The following KCNH2 variants were observed in gnomAD, a reference collection of about 807,000 sequenced individuals.
The protein encoded by KCNH2 is potassium voltage-gated channel subfamily H member 2.
In KCNH2, 35 loss-of-function variants were observed where a neutral mutation model predicts 95.9. That is an observed-to-expected ratio of 0.37 (90% confidence interval 0.28 to 0.48). The LOEUF (loss-of-function observed/expected upper bound fraction) is 0.48, where lower values mean the gene tolerates loss of function less well. KCNH2 is among the 20% of genes least tolerant of loss of function. The probability of loss-of-function intolerance (pLI) is 0.99; values close to 1 mark genes in which losing one functional copy is unlikely to be tolerated. For synonymous variants in KCNH2, 786 were observed against 754.7 expected (o/e 1.04, Z -0.68); for missense variants, 1,274 against 1,702.9 (o/e 0.75, Z 4.43).
rs781274793 is a variant in KCNH2, at chr7:150,947,408, G to A, written c.3072C>T (p.Asn1024=). 19 of 1,548,614 alleles carry A rather than the reference G, an allele frequency of 1.2e-5. No individual in the cohort carries two copies. The highest frequency in any genetic ancestry group is 6.1e-6 in the Non-Finnish European group (7 of 1,144,930). ...GCCGACCCGGGCTGGAGAGGGGGAT[G>A]TTGAGGAGGCTGGGGGTGGGGGCGG... ...RCPAPTPSLL[N]IPLSSPGRRP... Residue 1024 remains asparagine, a synonymous_variant, in exon 13 of 15, where the codon AAC becomes AAT. Coordinates refer to ENST00000262186, the MANE Select transcript of KCNH2 (RefSeq NM_000238.4).
At chr7:150,959,386 A>G (rs1162666493) in intron 3 of KCNH2, among the ~76,000 whole-genome samples, 186 bp downstream of exon 3, 2 of 152,154 alleles carry the variant, frequency 1.3e-5, no homozygotes, top group East Asian at 3.9e-4. Context: ...CTATGTGTCC[A>G]TCCTGGGCCA....
chr7:150,946,168 GCAGCCAGA>G lies in KCNH2; in HGVS notation c.3331-662_3331-655del, dbSNP rs1800880522. Among the ~76,000 whole-genome samples the G allele has an allele frequency of 6.6e-6, 1 of 152,130 alleles. No individual in the cohort carries two copies. Among genetic ancestry groups the G allele is most frequent in the Non-Finnish European group, 1.5e-5 (1 of 68,014 alleles). On this transcript the variant is annotated intron_variant, in intron 14 of 14. Coordinates refer to ENST00000262186, the MANE Select transcript of KCNH2 (RefSeq NM_000238.4). The surrounding 1 kb of genome is among the most constrained non-coding windows in gnomAD (Gnocchi z 6.5). ...GGGAGCAGATCCCAGGCCGCCTCTG[GCAGCCAGA>G]GGAGTCCCCACCATGGACGCGGAGG...
At chr7:150,948,619 T>G in intron 10 of KCNH2, 76 bp from the exon 11 acceptor site, 1 of 1,376,074 alleles carries the variant, frequency 7.3e-7, no homozygotes, top group Non-Finnish European at 1.0e-6. Context: ...GCTCCCTCCT[T>G]AACACAGAAA....
Position 150,945,305 on chromosome 7 carries a change from G to A in KCNH2, c.*60C>T. On this transcript the variant is annotated 3_prime_UTR_variant, in exon 15 of 15. Coordinates refer to ENST00000262186, the MANE Select transcript of KCNH2 (RefSeq NM_000238.4). This position sits in a 1 kb window ranked among gnomAD's most constrained non-coding sequence, Gnocchi z 5.6. ...GCCTCCTGAGCAGGGCCTCCAAGGGGAGCGGCCCAGCAGCGCCTTGATCCC... is the reference window on the plus strand; with the variant it reads ...GCCTCCTGAGCAGGGCCTCCAAGGGAAGCGGCCCAGCAGCGCCTTGATCCC... 1 of 1,526,768 alleles carries A rather than the reference G, an allele frequency of 6.5e-7. No individual in the cohort carries two copies. The highest frequency in any genetic ancestry group is 8.9e-7 in the Non-Finnish European group (1 of 1,129,106). 94.6% of individuals were successfully genotyped at this position (1,526,768 alleles called of 1,614,324 possible).
rs1801205450 is a variant in KCNH2, at chr7:150,952,328, TTC to T, written c.1557+95_1557+96del. ...TCTCTCTTTCTCTCTCTCTCTCTTT[TTC>T]TCTGTCCTCCTCGCCACCCCCTCCA... On this transcript the variant is annotated intron_variant, in intron 6 of 14. Coordinates refer to ENST00000262186, the MANE Select transcript of KCNH2 (RefSeq NM_000238.4). This position sits in a 1 kb window ranked among gnomAD's most constrained non-coding sequence, Gnocchi z 7.3. The T allele has an allele frequency of 1.6e-5, 17 of 1,070,206 alleles. No individual in the cohort carries two copies. The East Asian group carries it at 5.4e-4, about 34-fold the overall frequency. 66.3% of individuals were successfully genotyped at this position (1,070,206 alleles called of 1,614,324 possible).
Position 150,957,325 on chromosome 7 carries a change from T to A in KCNH2, c.1094A>T (p.Glu365Val). The A allele has an allele frequency of 6.2e-7, 1 of 1,602,048 alleles. No individual in the cohort carries two copies. Among genetic ancestry groups the A allele is most frequent in the Non-Finnish European group, 8.5e-7 (1 of 1,174,356 alleles). The part of the protein sequence containing the change: ...DREIIAPKIK[E>V]RTHNVTEKVT... ...CTTCTCAGTGACATTGTGGGTTCGC[T>A]CCTTTATCTTAGGTGCTATGATCTC... The change falls in exon 5 of 15, where the codon GAG (glutamate) becomes GTG (valine). Residue 365 changes from glutamate (E) to valine (V), a missense_variant. Around this residue, in one of 7 missense-constraint regions of KCNH2, gnomAD observed 392 missense variants for 429.9 expected, o/e 0.91. Coordinates refer to ENST00000262186, the MANE Select transcript of KCNH2 (RefSeq NM_000238.4).
chr7:150,951,236 C>A, intron 7 of KCNH2, 116 bp from the exon 8 acceptor site: 2 of 1,038,584 alleles, frequency 1.9e-6, no homozygotes, highest in Non-Finnish European at 1.4e-6. Context: ...GACATGCCCA[C>A]GAGACGCCCT....
chr7:150,949,652 G>C (rs972176255), intron 9 of KCNH2: 19 of 1,128,122 alleles, frequency 1.7e-5, no homozygotes, highest in Non-Finnish European at 2.1e-5. Context: ...AGGCACACAG[G>C]GCCGAGGGAA....
chr7:150,954,221 G>C (rs981882276), intron 5 of KCNH2, among the ~76,000 whole-genome samples: 1 of 152,004 alleles, frequency 6.6e-6, no homozygotes, highest in Non-Finnish European at 1.5e-5. Context: ...TTAAGGCAGA[G>C]AGCAAATGCC....
At position 150,948,883 on chromosome 7, in the gene KCNH2, G is replaced by T; in HGVS notation, c.2565C>A (p.Ser855Arg). ...CTCGCAGGTTGAAGGTGATCTCCAG[G>T]CTGGACCAGAAGTGGTCGGAGAACT... The part of the protein sequence containing the change: ...YPEFSDHFWS[S>R]LEITFNLRDT... Residue 855 changes from serine to arginine, a missense_variant, in exon 10 of 15, where the codon AGC becomes AGA. Ser to Arg is a moderately radical substitution (Grantham distance 110). Coordinates refer to ENST00000262186, the MANE Select transcript of KCNH2 (RefSeq NM_000238.4). The T allele has an allele frequency of 6.2e-7, 1 of 1,614,228 alleles. No individual in the cohort carries two copies.
Position 150,948,947 on chromosome 7 carries a change from T to C in KCNH2, c.2501A>G (p.His834Arg), listed in dbSNP as rs758040682. 1.2e-6 allele frequency: 2 copies of C among 1,614,234 alleles called. No individual in the cohort carries two copies. Among genetic ancestry groups the C allele is most frequent in the Non-Finnish European group, 1.7e-6 (2 of 1,180,040 alleles). The change falls in exon 10 of 15, where the codon CAT becomes CGT. Residue 834 changes from histidine (H) to arginine (R), a missense_variant. By Grantham distance (29) the His-to-Arg change is conservative. Coordinates refer to ENST00000262186, the MANE Select transcript of KCNH2 (RefSeq NM_000238.4). ...CAGCACCTCCAGCAGGTCGTCCCGA[T>C]GGATCTTGTGTAGGTCACAGTAGGT... is the stretch of plus-strand genomic sequence containing the variant. ...ALTYCDLHKI[H>R]RDDLLEVLDM...
intron 2 of KCNH2, among the ~76,000 whole-genome samples, chr7:150,971,373 C>A (rs893696935): frequency 6.6e-6 from 1 of 152,100 alleles, no homozygotes; most frequent in African/African-American, 2.4e-5. Context: ...TCCCAACAGC[C>A]GCAGCATCAG....
chr7:150,958,572 T>A (rs1801468443), intron 3 of KCNH2, 70 bp from the exon 4 acceptor site: 1 of 1,318,238 alleles, frequency 7.6e-7, no homozygotes, highest in South Asian at 1.5e-5. Context: ...GCCTGGGAAA[T>A]GGACCCCCAG....
chr7:150,975,819 C>T (rs749138525), intron 1 of KCNH2, among the ~76,000 whole-genome samples: 3 of 152,216 alleles, frequency 2.0e-5, no homozygotes, highest in Admixed American at 6.5e-5. Context: ...ACCTGCAGCT[C>T]CAAACCCTGG....
chr7:150,955,813 A>C, intron 5 of KCNH2: 1 of 1,125,002 alleles, frequency 8.9e-7, no homozygotes, highest in Non-Finnish European at 1.1e-6. Context: ...TCGGAACCTC[A>C]GCTCCTCCAG....
chr7:150,952,557 G>A lies in KCNH2; in HGVS notation c.1425C>T (p.Tyr475=), dbSNP rs760584131. Residue 475 remains tyrosine, a synonymous_variant, in exon 6 of 15, where the codon TAC becomes TAT. Transcript: ENST00000262186. This position sits in a 1 kb window ranked among gnomAD's most constrained non-coding sequence, Gnocchi z 7.3. ...TGACCACCTCCTCGTTGGCATTGACGTAGGTGGTGCGGAAGTTGATGAGGA... is the reference window on the plus strand; with the variant it reads ...TGACCACCTCCTCGTTGGCATTGACATAGGTGGTGCGGAAGTTGATGAGGA... The part of the protein sequence containing the change: ...VDILINFRTT[Y]VNANEEVVSH... The A allele has an allele frequency of 8.7e-6, 14 of 1,614,116 alleles. No individual in the cohort carries two copies. The African/African-American group carries it at 9.3e-5, about 11-fold the overall frequency.
At chr7:150,950,829 G>T in intron 8 of KCNH2, 92 bp downstream of exon 8, 2 of 1,347,550 alleles carry the variant, frequency 1.5e-6, no homozygotes, top group Non-Finnish European at 2.1e-6. Context: ...GACTGTGACC[G>T]CCTGAGACTT....
chr7:150,973,978 G>A (rs542500166), intron 2 of KCNH2, among the ~76,000 whole-genome samples: 27 of 152,336 alleles, frequency 1.8e-4, no homozygotes, highest in African/African-American at 4.1e-4. Flanking sequence ...CCTGACCAGA[G>A]CCCACCCCAA....
At position 150,945,812 on chromosome 7, in the gene KCNH2, T is replaced by C. The variant is rs1172483211; in HGVS notation, c.3331-298A>G. 6.6e-6 allele frequency among the ~76,000 whole-genome samples: 1 copy of C among 152,110 alleles called. No individual in the cohort carries two copies. Among genetic ancestry groups the C allele is most frequent in the East Asian group, 1.9e-4 (1 of 5,184 alleles). ...AGGCCCCTGTCTCTTCCCGAGGGAA[T>C]GTGGCCGCTGAGCCCAACCCAACCT... On this transcript the variant is annotated intron_variant, in intron 14 of 14. Transcript: ENST00000262186. This position sits in a 1 kb window ranked among gnomAD's most constrained non-coding sequence, Gnocchi z 5.6.
Sources: allele counts gnomAD v4.1 joint callset (sites outside exome capture counted in the v4.1 genomes callset), GRCh38; gene constraint gnomAD v4.1.1; regional missense constraint gnomAD v4.1.1; non-coding constraint Gnocchi (gnomAD v3.1); transcripts MANE v1.5; gene names NCBI Gene and HGNC (gene_info 2026-07-23, HGNC 2026-07-21).